PHF19: variants seen among roughly 807,000 people sequenced by gnomAD.
The protein encoded by PHF19 is PHD finger protein 19.
PHF19 carries 21 observed loss-of-function variants against 79.8 expected under a neutral mutation model. The ratio of observed to expected loss-of-function variants is 0.26; its 90% CI spans 0.19 to 0.38. The LOEUF (loss-of-function observed/expected upper bound fraction) is 0.38, where lower values mean the gene tolerates loss of function less well. Ranked by LOEUF, PHF19 falls within the 10% of genes least tolerant of loss-of-function variation. PHF19 has a pLI of 1.00. For missense variants in PHF19, 445 were observed against 744.2 expected (o/e 0.60, Z 4.68); for synonymous variants, 273 against 296.3 (o/e 0.92, Z 0.81).
At chr9:120,871,016 C>T (rs1020089089) in intron 3 of PHF19, among the ~76,000 whole-genome samples, 1 of 152,214 alleles carries the variant, frequency 6.6e-6, no homozygotes, top group Non-Finnish European at 1.5e-5. Flanking sequence ...AATTCTCCTG[C>T]CTCAGCCTCC....
chr9:120,887,176 TG>T (rs35309235), intron 1 of PHF19, among the ~76,000 whole-genome samples: 1 of 152,076 alleles, frequency 6.6e-6, no homozygotes, highest in Admixed American at 6.6e-5. Context: ...GGTTTCTGGC[TG>T]GGTGCGGTGG....
In PHF19 at chr9:120,862,762, A is replaced by C; in HGVS notation, c.969-13T>G. 2 of 1,613,720 alleles carry C rather than the reference A, an allele frequency of 1.2e-6. No homozygotes were observed. Among genetic ancestry groups the C allele is most frequent in the Non-Finnish European group, 1.7e-6 (2 of 1,179,720 alleles). ...GCCGCAGAGGAACCTGGGGGTGGGC[A>C]GTGGGAGGAAGAAGCTCTGGAGTCT... On this transcript the variant is annotated splice_polypyrimidine_tract_variant and intron_variant, in intron 10 of 14. Transcript: ENST00000373896. The surrounding 1 kb of genome is among the most constrained non-coding windows in gnomAD (Gnocchi z 4.6).
chr9:120,857,737 C>T lies in PHF19; in HGVS notation c.*207G>A, dbSNP rs148268556. 1,253 of 514,570 alleles carry T rather than the reference C, an allele frequency of 2.4e-3. 8 individuals are homozygous for T. The highest frequency in any genetic ancestry group is 0.021 in the African/African-American group (1,093 of 51,694). 31.9% of individuals were successfully genotyped at this position (514,570 alleles called of 1,614,324 possible). A position where few individuals can be genotyped will look rare whatever the true frequency, so the allele number is the denominator to read the frequency against. On this transcript the variant is annotated 3_prime_UTR_variant, in exon 15 of 15. Coordinates refer to ENST00000373896, the MANE Select transcript of PHF19 (RefSeq NM_015651.3). The stretch of plus-strand genomic sequence containing the variant: ...TGTAGAGACACAGGCACAGGGGTAA[C>T]GAGCCTGAGGAGGCCCTGGAACAGA...
In PHF19 at chr9:120,869,173, C is replaced by CT; in HGVS notation, c.614+8dup. The CT allele has an allele frequency of 6.2e-7, 1 of 1,604,480 alleles. No individual in the cohort carries two copies. The highest frequency in any genetic ancestry group is 8.5e-7 in the Non-Finnish European group (1 of 1,176,380). On this transcript the variant is annotated intron_variant, in intron 6 of 14. Transcript: ENST00000373896. The surrounding 1 kb of genome is among the most constrained non-coding windows in gnomAD (Gnocchi z 5.8). ...CTGCCGCCCGGGGGGCCCTGACCCC[C>CT]TGCCTTACTCTCCGGGCCCGCCGCA... is the stretch of plus-strand genomic sequence containing the variant.
chr9:120,899,322 C>A (rs1264464987), upstream of PHF19, among the ~76,000 whole-genome samples: 1 of 151,598 alleles, frequency 6.6e-6, no homozygotes, highest in Non-Finnish European at 1.5e-5. Flanking sequence ...CATGGTGAAA[C>A]CCTGTCTTTA....
chr9:120,890,273 C>CTTTTTTTTTTT (rs10658749), intron 1 of PHF19, among the ~76,000 whole-genome samples: 3 of 115,412 alleles, frequency 2.6e-5, no homozygotes, highest in African/African-American at 1.2e-4. Flanking sequence ...AATGAGCCTG[C>CTTTTTTTTTTT]TTTTTTTTTT....
chr9:120,894,833 G>A (rs1380076232), exon 1 of PHF19: 10 of 1,228,652 alleles, frequency 8.1e-6, no homozygotes, highest in East Asian at 6.3e-5. Context: ...CCAGCATAGT[G>A]CAGGGCACGT....
rs964952414 is a variant in PHF19 at position 120,874,321 on chromosome 9, T to G, written c.186+235A>C. 6.6e-6 allele frequency among the ~76,000 whole-genome samples: 1 copy of G among 152,196 alleles called. No individual in the cohort carries two copies. Among genetic ancestry groups the G allele is most frequent in the Non-Finnish European group, 1.5e-5 (1 of 68,034 alleles). On this transcript the variant is annotated intron_variant, in intron 2 of 14. Transcript: ENST00000373896. The surrounding 1 kb of genome is among the most constrained non-coding windows in gnomAD (Gnocchi z 4.5). Reference sequence around the variant, plus strand: ...CCTCTGTGATCCTCTCAAACCTGACTTTTTTGTTTTGTAGGCTCTCAGAGC... The same window carrying G: ...CCTCTGTGATCCTCTCAAACCTGACGTTTTTGTTTTGTAGGCTCTCAGAGC...
chr9:120,864,128 C>T lies in PHF19; in HGVS notation c.901-12G>A. 8 of 1,612,604 alleles carry T rather than the reference C, an allele frequency of 5.0e-6. No homozygotes were observed. Among genetic ancestry groups the T allele is most frequent in the Non-Finnish European group, 6.8e-6 (8 of 1,179,138 alleles). ...GGGGTGCTGGTGAGCTGTGGGAGAGCAGGCCAGCAGGACATCAGACCCAGG... is the reference window on the plus strand; with the variant it reads ...GGGGTGCTGGTGAGCTGTGGGAGAGTAGGCCAGCAGGACATCAGACCCAGG... On this transcript the variant is annotated splice_polypyrimidine_tract_variant and intron_variant, in intron 9 of 14. Transcript: ENST00000373896.
intron 14 of PHF19, among the ~76,000 whole-genome samples, chr9:120,859,231 CTTTT>C (rs59695692): frequency 1.9e-5 from 2 of 104,994 alleles, no homozygotes; most frequent in Non-Finnish European, 3.8e-5. Flanking sequence ...TACCATTGTC[CTTTT>C]TTTTTTTTTT....
At position 120,874,097 on chromosome 9, in the gene PHF19, C is replaced by T. The variant is rs117609973; in HGVS notation, c.187-37G>A. 0.014 allele frequency: 17,279 copies of T among 1,231,974 alleles called. 164 individuals are homozygous for T. The highest frequency in any genetic ancestry group is 0.021 in the South Asian group (1,645 of 79,938). 76.3% of individuals were successfully genotyped at this position (1,231,974 alleles called of 1,614,324 possible). A position where few individuals can be genotyped will look rare whatever the true frequency, so the allele number is the denominator to read the frequency against. On this transcript the variant is annotated intron_variant, in intron 2 of 14. Coordinates refer to ENST00000373896, the MANE Select transcript of PHF19 (RefSeq NM_015651.3). The surrounding 1 kb of genome is among the most constrained non-coding windows in gnomAD (Gnocchi z 4.5). ...ATAGGAAGGAGCAAGTGAGAAAGGG[C>T]TGGGGAAAAGCCAACCTGGAACATA...
Position 120,874,486 on chromosome 9 carries a change from G to T in PHF19, c.186+70C>A. ...CAGCAATCCCCCTGCCCCCTGGTCTGACAGCCAGGCTGGAACATGAGCAGA... is the reference window on the plus strand; with the variant it reads ...CAGCAATCCCCCTGCCCCCTGGTCTTACAGCCAGGCTGGAACATGAGCAGA... On this transcript the variant is annotated intron_variant, in intron 2 of 14. Coordinates refer to ENST00000373896, the MANE Select transcript of PHF19 (RefSeq NM_015651.3). The surrounding 1 kb of genome is among the most constrained non-coding windows in gnomAD (Gnocchi z 4.5). 9.3e-7 allele frequency: 1 copy of T among 1,069,938 alleles called. No individual in the cohort carries two copies. The highest frequency in any genetic ancestry group is 1.4e-6 in the Non-Finnish European group (1 of 709,090). 66.3% of individuals were successfully genotyped at this position (1,069,938 alleles called of 1,614,324 possible).
At chr9:120,888,003 A>T (rs1588137338) in intron 1 of PHF19, among the ~76,000 whole-genome samples, 1 of 151,778 alleles carries the variant, frequency 6.6e-6, no homozygotes, top group Non-Finnish European at 1.5e-5. Flanking sequence ...AAGTCCCCAC[A>T]CGTCTGTCGC....
chr9:120,877,510 G>C (rs1446791827), upstream of PHF19, among the ~76,000 whole-genome samples: 2 of 150,552 alleles, frequency 1.3e-5, no homozygotes, highest in Non-Finnish European at 2.9e-5. Flanking sequence ...CCGCCGAGGA[G>C]CGGCCACACC....
intron 10 of PHF19, among the ~76,000 whole-genome samples, chr9:120,863,226 T>A (rs2045588682): frequency 6.7e-6 from 1 of 149,282 alleles, no homozygotes; most frequent in Admixed American, 6.6e-5. Context: ...AATAGAGGAC[T>A]GTCCATTGGG....
chr9:120,873,992 C>T lies in PHF19; in HGVS notation c.255G>A (p.Lys85=). 1.3e-6 allele frequency: 2 copies of T among 1,594,638 alleles called. No homozygotes were observed. Among genetic ancestry groups the T allele is most frequent in the African/African-American group, 1.3e-5 (1 of 74,646 alleles). The change falls in exon 3 of 15, where the codon AAG becomes AAA. Residue 85 remains lysine, a synonymous_variant. Coordinates refer to ENST00000373896, the MANE Select transcript of PHF19 (RefSeq NM_015651.3). ...AGGAAAACTCACCATGCTGTATGTC[C>T]TTCCATAGGACCCAGTATTTGGAAT... The part of the protein sequence containing the change: ...EDNSKYWVLW[K]DIQHAGVPGE...
intron 1 of PHF19, among the ~76,000 whole-genome samples, chr9:120,890,889 A>C (rs1406772368): frequency 6.6e-6 from 1 of 152,188 alleles, no homozygotes; most frequent in Non-Finnish European, 1.5e-5. Context: ...TTAGTTTGGC[A>C]TACAAGGCCC....
Position 120,870,706 on chromosome 9 carries a change from C to T in PHF19, c.269-168G>A, listed in dbSNP as rs560926034. 4.5e-4 allele frequency among the ~76,000 whole-genome samples: 69 copies of T among 152,226 alleles called. No homozygotes were observed. The South Asian group carries it at 0.012, about 26-fold the overall frequency. On this transcript the variant is annotated intron_variant, in intron 3 of 14. Transcript: ENST00000373896. The surrounding 1 kb of genome is among the most constrained non-coding windows in gnomAD (Gnocchi z 4.4). ...TGAGATGCCTATCATCATTACCATTCGAAAGATGGGGAAATTGAGGCTCTG... is the reference window on the plus strand; with the variant it reads ...TGAGATGCCTATCATCATTACCATTTGAAAGATGGGGAAATTGAGGCTCTG...
intron 1 of PHF19, among the ~76,000 whole-genome samples, chr9:120,887,348 C>T (rs900034710): frequency 6.7e-6 from 1 of 148,956 alleles, no homozygotes; most frequent in African/African-American, 2.5e-5. Flanking sequence ...CAGCTACTTG[C>T]GAGGCTGAGG....
Sources: gnomAD v4.1 joint callset for allele counts (sites outside exome capture counted in the v4.1 genomes callset) on GRCh38, gnomAD v4.1.1 for gene constraint, Gnocchi (gnomAD v3.1) non-coding constraint, MANE v1.5 for transcripts, NCBI Gene and HGNC (gene_info 2026-07-23, HGNC 2026-07-21) for gene names.